Variants in SNRNP70 observed in about 807,000 individuals in gnomAD.
The protein encoded by SNRNP70 is small nuclear ribonucleoprotein U1 subunit 70, also known as U1 small nuclear ribonucleoprotein 70 kDa.
A neutral mutation model predicts 50.5 loss-of-function variants in SNRNP70; 8 were observed. The observed-to-expected ratio is 0.16, with a 90% CI of 0.09 to 0.29. SNRNP70 has a LOEUF of 0.29. Ranked by LOEUF, SNRNP70 falls within the 10% of genes least tolerant of loss-of-function variation. The pLI is 1.00. For synonymous variants in SNRNP70, 320 were observed against 252.9 expected, an observed-to-expected ratio of 1.27 and a Z score of -2.52; for missense variants, 529 against 663.5, an observed-to-expected ratio of 0.80 and a Z score of 2.23.
intron 4 of SNRNP70, among the ~76,000 whole-genome samples, chr19:49,094,946 G>A (rs148942360): frequency 0.02 from 2,987 of 152,302 alleles, 42 homozygotes; most frequent in Non-Finnish European, 0.032. Flanking sequence ...ACCCACTTCC[G>A]TTGAGTCTCT....
In SNRNP70 at chr19:49,104,575, C is replaced by G. The variant is rs1415894197; in HGVS notation, c.476-59C>G. 1 of 1,323,706 alleles carries G rather than the reference C, an allele frequency of 7.6e-7. No homozygotes were observed. Among genetic ancestry groups the G allele is most frequent in the Middle Eastern group, 1.8e-4 (1 of 5,526 alleles). The allele number at this position is 1,323,706 out of a possible 1,614,324, so 82.0% of individuals were successfully genotyped here. Reference sequence around the variant, plus strand: ...GGGGATTCTGTAGAGCTGGGCCTGTCCTGACTAGAGGACCCTCTGGGGACT... The same window carrying G: ...GGGGATTCTGTAGAGCTGGGCCTGTGCTGACTAGAGGACCCTCTGGGGACT... On this transcript the variant is annotated intron_variant, in intron 7 of 9. Coordinates refer to ENST00000598441, the MANE Select transcript of SNRNP70 (RefSeq NM_003089.6). This position sits in a 1 kb window ranked among gnomAD's most constrained non-coding sequence, Gnocchi z 5.4.
chr19:49,101,381 G>A lies in SNRNP70; in HGVS notation c.394-9G>A, dbSNP rs2040583726. On this transcript the variant is annotated splice_polypyrimidine_tract_variant and intron_variant, in intron 6 of 9. Coordinates refer to ENST00000598441, the MANE Select transcript of SNRNP70 (RefSeq NM_003089.6). ...GCAGGACTCACCCCTGTCCCCATGT[G>A]CCCCACAGATACACATGGTCTACAG... The A allele has an allele frequency of 6.2e-7, 1 of 1,611,992 alleles. No homozygotes were observed. The highest frequency in any genetic ancestry group is 1.3e-5 in the African/African-American group (1 of 74,902).
chr19:49,104,851 G>A lies in SNRNP70; in HGVS notation c.577+116G>A, dbSNP rs1358457847. On this transcript the variant is annotated intron_variant, in intron 8 of 9. Transcript: ENST00000598441. The surrounding 1 kb of genome is among the most constrained non-coding windows in gnomAD (Gnocchi z 5.4). Reference sequence around the variant, plus strand: ...CCTGCCGGCCCACCTCTCCCATCGCGTCCTCATCTCCGGCTTCTCTCTCTT... The same window carrying A: ...CCTGCCGGCCCACCTCTCCCATCGCATCCTCATCTCCGGCTTCTCTCTCTT... The A allele has an allele frequency of 1.4e-5, 9 of 621,124 alleles. No individual in the cohort carries two copies. The highest frequency in any genetic ancestry group is 4.1e-5 in the South Asian group (2 of 48,646). The allele number at this position is 621,124 out of a possible 1,614,324, so 38.5% of individuals were successfully genotyped here.
At position 49,094,879 on chromosome 19, in the gene SNRNP70, AGT is replaced by A. The variant is rs537252400; in HGVS notation, c.266-3546_266-3545del. Among the ~76,000 whole-genome samples the A allele has an allele frequency of 9.3e-3, 1,416 of 152,292 alleles. 7 individuals are homozygous for A. Among genetic ancestry groups the A allele is most frequent in the Non-Finnish European group, 0.013 (874 of 68,024 alleles). On this transcript the variant is annotated intron_variant, in intron 4 of 9. Coordinates refer to ENST00000598441, the MANE Select transcript of SNRNP70 (RefSeq NM_003089.6). The stretch of plus-strand genomic sequence containing the variant: ...TGTTGAGGCAAGCACGCTTCCAAAG[AGT>A]GAGAGTTCCAAGATGGGACCTCGAG...
Position 49,107,491 on chromosome 19 carries a change from CG to C in SNRNP70, c.578-128del, listed in dbSNP as rs1192401714. 3.9e-6 allele frequency: 3 copies of C among 760,326 alleles called. No individual in the cohort carries two copies. Among genetic ancestry groups the C allele is most frequent in the Middle Eastern group, 3.4e-4 (1 of 2,954 alleles). 47.1% of individuals were successfully genotyped at this position (760,326 alleles called of 1,614,324 possible). On this transcript the variant is annotated intron_variant, in intron 8 of 9. Coordinates refer to ENST00000598441, the MANE Select transcript of SNRNP70 (RefSeq NM_003089.6). This position sits in a 1 kb window ranked among gnomAD's most constrained non-coding sequence, Gnocchi z 6.0. ...ATGGGAGTGCGCGGGATGAACTGCA[CG>C]GGGGGACCCGGCCCTGTGAACACTA... is the stretch of plus-strand genomic sequence containing the variant.
intron 6 of SNRNP70, among the ~76,000 whole-genome samples, chr19:49,100,740 A>T (rs2040572585): frequency 1.3e-5 from 2 of 148,476 alleles, no homozygotes; most frequent in South Asian, 4.3e-4. Context: ...CGGGAGGTGC[A>T]GGTTGCAGTG....
chr19:49,106,066 G>A (rs1404885205), intron 8 of SNRNP70, among the ~76,000 whole-genome samples: 1 of 152,206 alleles, frequency 6.6e-6, no homozygotes, highest in Non-Finnish European at 1.5e-5. Flanking sequence ...GCCACTTGGG[G>A]CTCCTGTCCT....
intron 7 of SNRNP70, chr19:49,101,674 G>A: frequency 1.8e-6 from 1 of 566,658 alleles, no homozygotes; most frequent in Non-Finnish European, 3.2e-6. Context: ...CCCACAACGT[G>A]TGTGTGTGTG....
rs1663070827 is a variant in SNRNP70, at chr19:49,107,229, C to T, written c.578-396C>T. On this transcript the variant is annotated intron_variant, in intron 8 of 9. Coordinates refer to ENST00000598441, the MANE Select transcript of SNRNP70 (RefSeq NM_003089.6). This position sits in a 1 kb window ranked among gnomAD's most constrained non-coding sequence, Gnocchi z 6.0. ...CCACCAGTTGACGAGGAGTTTGGACCTTAGGCTGGGGGACGCCAGCAAAGG... is the reference window on the plus strand; with the variant it reads ...CCACCAGTTGACGAGGAGTTTGGACTTTAGGCTGGGGGACGCCAGCAAAGG... Among the ~76,000 whole-genome samples, 1 of 152,190 alleles carries T rather than the reference C, an allele frequency of 6.6e-6. No homozygotes were observed. Among genetic ancestry groups the T allele is most frequent in the Non-Finnish European group, 1.5e-5 (1 of 68,032 alleles).
intron 5 of SNRNP70, 23 bp from the exon 6 acceptor site, chr19:49,098,619 A>G (rs2040542465): frequency 3.7e-6 from 6 of 1,612,118 alleles, no homozygotes; most frequent in Non-Finnish European, 5.1e-6. Flanking sequence ...CTCCCATTTA[A>G]CGTCATATCC....
intron 6 of SNRNP70, among the ~76,000 whole-genome samples, chr19:49,098,945 C>T (rs772718832): frequency 2.0e-5 from 3 of 152,166 alleles, no homozygotes; most frequent in Non-Finnish European, 4.4e-5. Flanking sequence ...TAAAGTTTTC[C>T]TGCTGCTCAG....
Position 49,104,523 on chromosome 19 carries a change from G to A in SNRNP70, c.476-111G>A, listed in dbSNP as rs749850366. On this transcript the variant is annotated intron_variant, in intron 7 of 9. Coordinates refer to ENST00000598441, the MANE Select transcript of SNRNP70 (RefSeq NM_003089.6). The surrounding 1 kb of genome is among the most constrained non-coding windows in gnomAD (Gnocchi z 5.4). ...GCCTGGCTGTCTGTTGGGCGTGTGC[G>A]TGTGCGTGATGATGGGGACACGGGG... 8.7e-6 allele frequency: 7 copies of A among 802,490 alleles called. No individual in the cohort carries two copies. Among genetic ancestry groups the A allele is most frequent in the African/African-American group, 1.7e-5 (1 of 58,622 alleles). The allele number at this position is 802,490 out of a possible 1,614,324, so 49.7% of individuals were successfully genotyped here. A position where few individuals can be genotyped will look rare whatever the true frequency, so the allele number is the denominator to read the frequency against.
chr19:49,105,595 C>T (rs1326983245), intron 8 of SNRNP70, among the ~76,000 whole-genome samples: 6 of 152,032 alleles, frequency 3.9e-5, no homozygotes, highest in Non-Finnish European at 7.4e-5. Flanking sequence ...GGCGTGGTGG[C>T]GGGTGCCTGT....
At chr19:49,101,688 A>G in intron 7 of SNRNP70, 1 of 545,576 alleles carries the variant, frequency 1.8e-6, no homozygotes, top group East Asian at 3.1e-5. Context: ...GTGTGTGTGA[A>G]CCTGGGGAGG....
intron 4 of SNRNP70, 163 bp downstream of exon 4, chr19:49,090,683 GT>G: frequency 1.5e-6 from 1 of 688,418 alleles, no homozygotes; most frequent in Non-Finnish European, 2.5e-6. Context: ...ACTGTTTTTG[GT>G]TTAGGCTTTT....
chr19:49,085,766 C>A (rs932086423), intron 1 of SNRNP70, 130 bp downstream of exon 1: 9 of 398,256 alleles, frequency 2.3e-5, no homozygotes, highest in Admixed American at 1.8e-4. Context: ...CCTTCTGCAT[C>A]CCTTTCCCGG....
intron 4 of SNRNP70, among the ~76,000 whole-genome samples, chr19:49,092,731 A>G (rs2040462936): frequency 6.6e-6 from 1 of 151,894 alleles, no homozygotes; most frequent in South Asian, 2.1e-4. Context: ...ATCTTAACCA[A>G]CCACATCCAC....
At chr19:49,102,316 C>G (rs1360786736) in intron 7 of SNRNP70, 1 of 441,026 alleles carries the variant, frequency 2.3e-6, no homozygotes, top group Non-Finnish European at 4.2e-6. Context: ...TGGCCCTTTC[C>G]TTGTTTGGGT....
rs1058882 is a variant in SNRNP70 at position 49,108,062 on chromosome 19, C to T, written c.933C>T (p.Gly311=). 425,154 of 1,550,818 alleles carry T rather than the reference C, an allele frequency of 0.27. 62,068 individuals are homozygous for T. Among genetic ancestry groups the T allele is most frequent in the South Asian group, 0.34 (28,301 of 84,140 alleles). The change falls in exon 10 of 10, where the codon GGC becomes GGT. Residue 311 remains glycine (G), a synonymous_variant. Coordinates refer to ENST00000598441, the MANE Select transcript of SNRNP70 (RefSeq NM_003089.6). The part of the protein sequence containing the change: ...RERERKEELR[G]GGGDMAEPSE... The stretch of plus-strand genomic sequence containing the variant: ...GGGAGCGCAAGGAGGAGCTGCGTGG[C>T]GGCGGTGGCGACATGGCGGAGCCCT...
Sources: allele counts gnomAD v4.1 joint callset (sites outside exome capture counted in the v4.1 genomes callset), GRCh38; gene constraint gnomAD v4.1.1; non-coding constraint Gnocchi (gnomAD v3.1); transcripts MANE v1.5; gene names NCBI Gene and HGNC (gene_info 2026-07-23, HGNC 2026-07-21).